Variants in RAB31 observed in about 807,000 individuals in gnomAD.
RAB31 encodes the protein ras-related protein Rab-31.
In RAB31, 21 loss-of-function variants were observed where a neutral mutation model predicts 25.6. The ratio of observed to expected loss-of-function variants is 0.82; its 90% CI spans 0.58 to 1.18. The LOEUF (loss-of-function observed/expected upper bound fraction) is 1.18. Among genes scored for constraint, RAB31 ranks in the 50% most tolerant of loss-of-function variants. The pLI is 0.00. For missense variants in RAB31, 196 were observed against 250.1 expected, an observed-to-expected ratio of 0.78 and a Z score of 1.46; for synonymous variants, 87 against 84.0, an observed-to-expected ratio of 1.04 and a Z score of -0.20.
At chr18:9,738,779 C>T (rs2068163212) in intron 1 of RAB31, among the ~76,000 whole-genome samples, 1 of 152,216 alleles carries the variant, frequency 6.6e-6, no homozygotes, top group Non-Finnish European at 1.5e-5. Flanking sequence ...CAATCAGAAG[C>T]ACAGGACACC....
intron 6 of RAB31, among the ~76,000 whole-genome samples, chr18:9,854,728 C>A (rs1382473282): frequency 1.3e-5 from 2 of 152,128 alleles, no homozygotes; most frequent in African/African-American, 2.4e-5. Flanking sequence ...ATGTGTGTGT[C>A]CCCCAGTTCT....
At chr18:9,738,607 C>T (rs984798129) in intron 1 of RAB31, among the ~76,000 whole-genome samples, 6 of 152,202 alleles carry the variant, frequency 3.9e-5, no homozygotes, top group African/African-American at 7.2e-5. Flanking sequence ...ACACCCCTTC[C>T]CACATGCCTT....
intron 1 of RAB31, among the ~76,000 whole-genome samples, chr18:9,740,652 G>T (rs1417264456): frequency 1.3e-5 from 2 of 152,032 alleles, no homozygotes; most frequent in African/African-American, 2.4e-5. Context: ...GGTGGAGGTT[G>T]CAGTGAGCCA....
At chr18:9,781,601 G>A (rs746951321) in intron 2 of RAB31, among the ~76,000 whole-genome samples, 4 of 152,190 alleles carry the variant, frequency 2.6e-5, no homozygotes, top group South Asian at 2.1e-4. Flanking sequence ...GAGCCACCGC[G>A]CCCAGCCCTG....
intron 2 of RAB31, among the ~76,000 whole-genome samples, chr18:9,783,860 G>T (rs1208486793): frequency 1.3e-5 from 2 of 152,032 alleles, no homozygotes; most frequent in Non-Finnish European, 1.5e-5. Context: ...ATGAATATAA[G>T]AATAAGATAT....
In RAB31 at chr18:9,861,874, T is replaced by C. The variant is rs1460464820; in HGVS notation, c.*2549T>C. The C allele has an allele frequency of 6.6e-6, 1 of 152,616 alleles. No homozygotes were observed. The highest frequency in any genetic ancestry group is 1.5e-5 in the Non-Finnish European group (1 of 68,044). The allele number at this position is 152,616 out of a possible 1,614,324, so 9.5% of individuals were successfully genotyped here. The stretch of plus-strand genomic sequence containing the variant: ...CCCCTAGCCATGTGTTAATATAAAG[T>C]AGGCATGGCTTCCCAATGGAAATCT... On this transcript the variant is annotated 3_prime_UTR_variant, in exon 7 of 7. Coordinates refer to ENST00000578921, the MANE Select transcript of RAB31 (RefSeq NM_006868.4).
chr18:9,713,028 AAGGCCTCTTGTCTCCCC>A (rs1044095457), intron 1 of RAB31, among the ~76,000 whole-genome samples: 18 of 152,200 alleles, frequency 1.2e-4, no homozygotes, highest in Non-Finnish European at 2.6e-4. Context: ...CTTCGCATGG[AAGGCCTCTTGTCTCCCC>A]AGGGACACTA....
chr18:9,721,237 G>A (rs2068072173), intron 1 of RAB31, among the ~76,000 whole-genome samples: 1 of 152,184 alleles, frequency 6.6e-6, no homozygotes, highest in African/African-American at 2.4e-5. Flanking sequence ...TCATCATCCT[G>A]TCACAGAATT....
intron 6 of RAB31, among the ~76,000 whole-genome samples, chr18:9,847,568 A>G (rs887043107): frequency 6.6e-6 from 1 of 152,202 alleles, no homozygotes; most frequent in South Asian, 2.1e-4. Context: ...GAAGTACTGT[A>G]CTAATATCTT....
At chr18:9,793,143 G>C (rs2068469757) in intron 3 of RAB31, among the ~76,000 whole-genome samples, 1 of 151,982 alleles carries the variant, frequency 6.6e-6, no homozygotes, top group Non-Finnish European at 1.5e-5. Flanking sequence ...GCACAATTAT[G>C]GCTCACTGCA....
rs550149367 is a variant in RAB31 at position 9,813,018 on chromosome 18, TA to T, written c.202-995del. Reference sequence around the variant, plus strand: ...GGCCCCTCCAGGATACTTTTTAATTTAAAAAAATATGCAGATTAAGACTGGA... The same window carrying T: ...GGCCCCTCCAGGATACTTTTTAATTTAAAAAATATGCAGATTAAGACTGGA... On this transcript the variant is annotated intron_variant, in intron 3 of 6. Transcript: ENST00000578921. 2.6e-5 allele frequency among the ~76,000 whole-genome samples: 4 copies of T among 152,038 alleles called. No individual in the cohort carries two copies. The South Asian group carries it at 6.2e-4, about 24-fold the overall frequency.
intron 2 of RAB31, among the ~76,000 whole-genome samples, chr18:9,776,114 A>T (rs1376727409): frequency 2.0e-5 from 3 of 152,310 alleles, no homozygotes; most frequent in South Asian, 4.1e-4. Flanking sequence ...ATCTAATGCC[A>T]GCATTTCCAC....
intron 3 of RAB31, among the ~76,000 whole-genome samples, chr18:9,812,814 C>T (rs2068580804): frequency 6.6e-6 from 1 of 151,318 alleles, no homozygotes; most frequent in Admixed American, 6.6e-5. Flanking sequence ...TCTCCTGCCT[C>T]AGCCTCCCAA....
At chr18:9,835,030 G>A (rs1442553147) in intron 5 of RAB31, among the ~76,000 whole-genome samples, 1 of 152,204 alleles carries the variant, frequency 6.6e-6, no homozygotes, top group Non-Finnish European at 1.5e-5. Context: ...CTGTGTGCAT[G>A]TGTGTAGTTT....
intron 1 of RAB31, among the ~76,000 whole-genome samples, chr18:9,752,049 C>A (rs2068237763): frequency 6.6e-6 from 1 of 152,282 alleles, no homozygotes; most frequent in East Asian, 1.9e-4. Context: ...AGCTTCCTCT[C>A]GCCTTGCTGA....
chr18:9,862,294 A>G lies in RAB31; in HGVS notation c.*2969A>G, dbSNP rs983436787. 1 of 152,190 alleles carries G rather than the reference A, an allele frequency of 6.6e-6. No homozygotes were observed. Among genetic ancestry groups the G allele is most frequent in the East Asian group, 1.9e-4 (1 of 5,202 alleles). 9.4% of individuals were successfully genotyped at this position (152,190 alleles called of 1,614,324 possible). On this transcript the variant is annotated 3_prime_UTR_variant, in exon 7 of 7. Coordinates refer to ENST00000578921, the MANE Select transcript of RAB31 (RefSeq NM_006868.4). Reference sequence around the variant, plus strand: ...GTATCTAGCTTACTGTTTTAACATCATTGTTGAAACCAGACCCTGTAGTCC... The same window carrying G: ...GTATCTAGCTTACTGTTTTAACATCGTTGTTGAAACCAGACCCTGTAGTCC...
intron 1 of RAB31, among the ~76,000 whole-genome samples, chr18:9,758,362 C>T (rs2068270520): frequency 6.6e-6 from 1 of 152,150 alleles, no homozygotes; most frequent in South Asian, 2.1e-4. Context: ...GCTTCTTTGC[C>T]TCCTGGGGGG....
intron 1 of RAB31, among the ~76,000 whole-genome samples, chr18:9,759,604 G>T (rs895336320): frequency 6.6e-6 from 1 of 151,938 alleles, no homozygotes; most frequent in African/African-American, 2.4e-5. Flanking sequence ...GATGCCTGAG[G>T]TCTGTGATCT....
intron 1 of RAB31, among the ~76,000 whole-genome samples, chr18:9,748,890 C>A (rs75402638): frequency 6.6e-4 from 97 of 146,306 alleles, no homozygotes; most frequent in Admixed American, 9.5e-4. Context: ...GACTCTGTCT[C>A]AAAAAAAAAT....
Sources: gnomAD v4.1 joint callset for allele counts (sites outside exome capture counted in the v4.1 genomes callset) on GRCh38, gnomAD v4.1.1 for gene constraint, MANE v1.5 for transcripts, NCBI Gene and HGNC (gene_info 2026-07-23, HGNC 2026-07-21) for gene names.